NTM: variants seen among roughly 807,000 people sequenced by gnomAD.
The protein encoded by NTM is IgLON family member 2.
A neutral mutation model predicts 42.1 loss-of-function variants in NTM; 13 were observed. The observed-to-expected ratio is 0.31, with a 90% CI of 0.20 to 0.49. The LOEUF is 0.49. Among genes scored for constraint, NTM ranks in the 20% least tolerant of loss-of-function variants. NTM has a pLI of 0.99. For synonymous variants in NTM, 187 were observed against 179.2 expected (o/e 1.04, Z -0.35); for missense variants, 373 against 452.8 (o/e 0.82, Z 1.60).
rs567471310 is a variant in NTM at position 132,256,102 on chromosome 11, G to C, written c.526+43955G>C. ...GGCAAATGTGGAATATTCTGTCTAGGCTATGCAGAGGGTGGGCTCCTAGGA... is the reference window on the plus strand; with the variant it reads ...GGCAAATGTGGAATATTCTGTCTAGCCTATGCAGAGGGTGGGCTCCTAGGA... On this transcript the variant is annotated intron_variant, in intron 4 of 8. Coordinates refer to ENST00000683400, the MANE Select transcript of NTM (RefSeq NM_001352005.2). Among the ~76,000 whole-genome samples the C allele has an allele frequency of 3.6e-3, 544 of 152,250 alleles. 1 individual carries two copies. Among genetic ancestry groups the C allele is most frequent in the African/African-American group, 0.011 (456 of 41,530 alleles).
At chr11:131,753,127 A>G (rs1311372143) in intron 1 of NTM, among the ~76,000 whole-genome samples, 7 of 152,114 alleles carry the variant, frequency 4.6e-5, no homozygotes, top group Non-Finnish European at 7.4e-5. Context: ...GCAGCCAAAA[A>G]ACACATGAAA....
In NTM at chr11:132,043,608, G is replaced by T. The variant is rs76556508; in HGVS notation, c.168-102674G>T. 7.0e-3 allele frequency among the ~76,000 whole-genome samples: 1,069 copies of T among 152,308 alleles called. 23 individuals carry two copies. Among genetic ancestry groups the T allele is most frequent in the African/African-American group, 0.025 (1,031 of 41,566 alleles). On this transcript the variant is annotated intron_variant, in intron 2 of 8. Transcript: ENST00000683400. ...GTTCAGTTATAGTTTCTGCAAGATT[G>T]GAAAGTGGTCACCCGTTATGGCTCT... is the stretch of plus-strand genomic sequence containing the variant.
chr11:131,664,757 T>TTTTTTTTTTTTTTTTTG (rs1372030102), intron 1 of NTM, among the ~76,000 whole-genome samples: 8 of 7,356 alleles, frequency 1.1e-3, no homozygotes, highest in African/African-American at 2.5e-3. Flanking sequence ...TCCATTGTTT[T>TTTTTTTTTTTTTTTTTG]TTTTTTTTTT....
At chr11:131,618,871 C>G (rs1436126102) in intron 1 of NTM, among the ~76,000 whole-genome samples, 1 of 152,098 alleles carries the variant, frequency 6.6e-6, no homozygotes, top group African/African-American at 2.4e-5. Flanking sequence ...CTATTTACGC[C>G]ACCAATGCAA....
chr11:132,276,719 G>A (rs954354557), intron 4 of NTM, among the ~76,000 whole-genome samples: 2 of 152,158 alleles, frequency 1.3e-5, no homozygotes, highest in Non-Finnish European at 2.9e-5. Flanking sequence ...TGTTGTGGGG[G>A]AAGAGTGTGC....
intron 1 of NTM, among the ~76,000 whole-genome samples, chr11:131,722,433 C>T (rs1182753470): frequency 6.6e-6 from 1 of 152,190 alleles, no homozygotes; most frequent in Admixed American, 6.5e-5. Context: ...AACCATAGAA[C>T]CAGTTTGTCA....
intron 2 of NTM, among the ~76,000 whole-genome samples, chr11:131,944,841 G>C (rs1351275441): frequency 6.6e-6 from 1 of 152,228 alleles, no homozygotes; most frequent in Admixed American, 6.5e-5. Context: ...GACATGTGTA[G>C]TGCGGAGAAC....
chr11:131,486,554 TG>T (rs1375441890), intron 1 of NTM, among the ~76,000 whole-genome samples: 2 of 152,160 alleles, frequency 1.3e-5, no homozygotes, highest in African/African-American at 4.8e-5. Context: ...TGGCAGAAAT[TG>T]ATTCCCAGAT....
At chr11:131,815,948 G>C (rs892377232) in intron 1 of NTM, among the ~76,000 whole-genome samples, 1 of 152,182 alleles carries the variant, frequency 6.6e-6, no homozygotes, top group African/African-American at 2.4e-5. Flanking sequence ...GGGAAACTGG[G>C]AGTTGGAGAT....
chr11:131,428,237 G>T (rs949352886), intron 1 of NTM, among the ~76,000 whole-genome samples: 5 of 152,120 alleles, frequency 3.3e-5, no homozygotes, highest in African/African-American at 1.2e-4. Flanking sequence ...CTGTTGGTAC[G>T]CCTGTCACTC....
At chr11:132,105,286 C>G (rs2062212646) in intron 2 of NTM, among the ~76,000 whole-genome samples, 1 of 151,656 alleles carries the variant, frequency 6.6e-6, no homozygotes. Context: ...GATGAATAAA[C>G]TTGGAACATA....
At chr11:132,008,927 G>A (rs1460453487) in intron 2 of NTM, among the ~76,000 whole-genome samples, 13 of 149,150 alleles carry the variant, frequency 8.7e-5, no homozygotes, top group Admixed American at 2.7e-4. Context: ...AATTAAGAGC[G>A]AATGAAGGTA....
At chr11:131,459,989 C>T (rs1951228367) in intron 1 of NTM, among the ~76,000 whole-genome samples, 1 of 152,028 alleles carries the variant, frequency 6.6e-6, no homozygotes, top group African/African-American at 2.4e-5. Context: ...AAATAAGGCT[C>T]CGTGGCAGAA....
At chr11:132,288,851 C>T (rs961819266) in intron 4 of NTM, among the ~76,000 whole-genome samples, 2 of 152,120 alleles carry the variant, frequency 1.3e-5, no homozygotes, top group African/African-American at 4.8e-5. Flanking sequence ...GAACTCCTGG[C>T]CTCAGGTGAT....
At chr11:132,134,642 T>C (rs2067430643) in intron 2 of NTM, among the ~76,000 whole-genome samples, 1 of 146,806 alleles carries the variant, frequency 6.8e-6, no homozygotes, top group African/African-American at 2.5e-5. Flanking sequence ...AGTCTCCAGT[T>C]CCATCCAGTT....
chr11:132,081,110 G>A (rs896949381), intron 2 of NTM, among the ~76,000 whole-genome samples: 2 of 152,218 alleles, frequency 1.3e-5, no homozygotes, highest in Admixed American at 6.5e-5. Context: ...CTCAAATGAG[G>A]AAGAGTTCAC....
intron 1 of NTM, among the ~76,000 whole-genome samples, chr11:131,840,603 A>G (rs187987203): frequency 5.9e-5 from 9 of 152,326 alleles, no homozygotes; most frequent in Admixed American, 5.9e-4. Context: ...TTTTCTTTCT[A>G]CAGAGGGGAG....
chr11:131,706,875 T>G (rs546179212), intron 1 of NTM, among the ~76,000 whole-genome samples: 39 of 152,136 alleles, frequency 2.6e-4, no homozygotes, highest in Non-Finnish European at 5.3e-4. Flanking sequence ...GACATAATAA[T>G]TATATACATT....
intron 1 of NTM, among the ~76,000 whole-genome samples, chr11:131,643,086 A>T (rs1195542906): frequency 6.6e-6 from 1 of 152,188 alleles, no homozygotes; most frequent in African/African-American, 2.4e-5. Flanking sequence ...GGGAATGAGA[A>T]AATGGTTGAG....
Sources: gnomAD v4.1 joint callset for allele counts (sites outside exome capture counted in the v4.1 genomes callset) on GRCh38, gnomAD v4.1.1 for gene constraint, MANE v1.5 for transcripts, NCBI Gene and HGNC (gene_info 2026-07-23, HGNC 2026-07-21) for gene names.